Variants in HCN1 observed in about 807,000 individuals in gnomAD.
The protein encoded by HCN1 is hyperpolarization activated cyclic nucleotide gated potassium channel 1, also known as potassium/sodium hyperpolarization-activated cyclic nucleotide-gated channel 1.
Under a neutral mutation model 78.9 loss-of-function variants are expected in HCN1, and 13 were observed. That is an observed-to-expected ratio of 0.16 (90% CI 0.11 to 0.26). The LOEUF is 0.26. HCN1 is among the 10% of genes least tolerant of loss of function. HCN1 has a pLI of 1.00. For synonymous variants in HCN1, 552 were observed against 455.5 expected, an observed-to-expected ratio of 1.21 and a Z score of -2.70; for missense variants, 810 against 1,154.3, an observed-to-expected ratio of 0.70 and a Z score of 4.32.
chr5:45,684,540 T>C (rs555523568), intron 1 of HCN1, among the ~76,000 whole-genome samples: 1 of 152,170 alleles, frequency 6.6e-6, no homozygotes, highest in East Asian at 1.9e-4. Flanking sequence ...ATAGGAAAAA[T>C]AAGGAACAGT....
intron 1 of HCN1, among the ~76,000 whole-genome samples, chr5:45,666,557 T>A (rs1049851372): frequency 6.6e-6 from 1 of 152,056 alleles, no homozygotes; most frequent in African/African-American, 2.4e-5. Flanking sequence ...AGTAATACAT[T>A]CCCTGAATCA....
intron 1 of HCN1, among the ~76,000 whole-genome samples, chr5:45,675,991 T>C (rs948716184): frequency 3.3e-5 from 5 of 151,810 alleles, no homozygotes; most frequent in Non-Finnish European, 5.9e-5. Flanking sequence ...CTGTTGGTCA[T>C]TGATTAGATC....
chr5:45,485,052 C>T (rs533391349), intron 2 of HCN1, among the ~76,000 whole-genome samples: 2 of 152,210 alleles, frequency 1.3e-5, no homozygotes, highest in East Asian at 1.9e-4. Flanking sequence ...ATACATATGC[C>T]CTAATTTCCT....
chr5:45,689,208 T>C (rs1351402749), intron 1 of HCN1, among the ~76,000 whole-genome samples: 1 of 152,070 alleles, frequency 6.6e-6, no homozygotes, highest in Non-Finnish European at 1.5e-5. Context: ...GGTGATGGGA[T>C]GATCTGTGCA....
intron 6 of HCN1, among the ~76,000 whole-genome samples, chr5:45,280,745 G>C (rs1745140746): frequency 6.6e-6 from 1 of 152,164 alleles, no homozygotes; most frequent in African/African-American, 2.4e-5. Flanking sequence ...TTATGTTTTA[G>C]ATATCAAAGC....
chr5:45,691,807 A>G lies in HCN1; in HGVS notation c.425+3862T>C, dbSNP rs1206113586. ...GTGAAGCCTCCCTTCCCTAATGAAC[A>G]CATCAGTGATCTCTGATATCAGTAC... On this transcript the variant is annotated intron_variant, in intron 1 of 7. Coordinates refer to ENST00000303230, the MANE Select transcript of HCN1 (RefSeq NM_021072.4). Among the ~76,000 whole-genome samples the G allele has an allele frequency of 2.0e-5, 3 of 152,168 alleles. No individual in the cohort carries two copies. The East Asian group carries it at 5.8e-4, about 29-fold the overall frequency.
In HCN1 at chr5:45,302,640, T is replaced by C. The variant is rs1314408776; in HGVS notation, c.1618+959A>G. Among the ~76,000 whole-genome samples, 6 of 151,232 alleles carry C rather than the reference T, an allele frequency of 4.0e-5. No homozygotes were observed. The East Asian group carries it at 1.2e-3, about 29-fold the overall frequency. On this transcript the variant is annotated intron_variant, in intron 6 of 7. Coordinates refer to ENST00000303230, the MANE Select transcript of HCN1 (RefSeq NM_021072.4). Reference sequence around the variant, plus strand: ...AACATATATATATATTTTATATATATAATTTTAATAAAAATTGGAGATAAA... The same window carrying C: ...AACATATATATATATTTTATATATACAATTTTAATAAAAATTGGAGATAAA...
At chr5:45,547,191 C>G (rs1446962202) in intron 2 of HCN1, among the ~76,000 whole-genome samples, 1 of 151,768 alleles carries the variant, frequency 6.6e-6, no homozygotes, top group South Asian at 2.1e-4. Context: ...ATGTCTCCAA[C>G]TATATTGACA....
intron 2 of HCN1, among the ~76,000 whole-genome samples, chr5:45,587,206 C>T (rs1403429806): frequency 6.6e-6 from 1 of 152,110 alleles, no homozygotes; most frequent in Non-Finnish European, 1.5e-5. Flanking sequence ...TGGGTATATA[C>T]CCAAAGGATT....
At chr5:45,347,034 G>A in intron 5 of HCN1, among the ~76,000 whole-genome samples, 1 of 152,222 alleles carries the variant, frequency 6.6e-6, no homozygotes, top group East Asian at 1.9e-4. Context: ...GCACGCAGCT[G>A]GAGATCTGAG....
At chr5:45,355,142 G>T (rs183155392) in intron 4 of HCN1, among the ~76,000 whole-genome samples, 1 of 152,060 alleles carries the variant, frequency 6.6e-6, no homozygotes, top group Admixed American at 6.6e-5. Flanking sequence ...AACAATAAGA[G>T]AGTATTTGAC....
intron 5 of HCN1, among the ~76,000 whole-genome samples, chr5:45,335,522 G>A (rs898974456): frequency 6.6e-6 from 1 of 152,002 alleles, no homozygotes; most frequent in Non-Finnish European, 1.5e-5. Flanking sequence ...AAAGAAATGG[G>A]GCATATGATA....
chr5:45,642,533 G>C (rs1441523536), intron 2 of HCN1: 3 of 151,994 alleles, frequency 2.0e-5, no homozygotes, highest in Non-Finnish European at 4.4e-5. Flanking sequence ...GATTCATTTA[G>C]AACAGTGGCA....
At chr5:45,276,669 G>A (rs770078959) in intron 6 of HCN1, among the ~76,000 whole-genome samples, 2 of 152,052 alleles carry the variant, frequency 1.3e-5, no homozygotes, top group African/African-American at 4.8e-5. Context: ...GACTGAAAGA[G>A]TCGAGAATTA....
intron 2 of HCN1, among the ~76,000 whole-genome samples, chr5:45,622,092 G>A (rs1271746762): frequency 6.6e-6 from 1 of 151,926 alleles, no homozygotes; most frequent in Admixed American, 6.6e-5. Context: ...CGTGGTGGCG[G>A]GCGCCTGTAG....
chr5:45,496,874 A>G (rs1024521641), intron 2 of HCN1, among the ~76,000 whole-genome samples: 4 of 152,150 alleles, frequency 2.6e-5, no homozygotes, highest in Non-Finnish European at 1.5e-5. Flanking sequence ...ACTGCTTTGA[A>G]TGTGTCCCAG....
chr5:45,408,720 A>G (rs1031747900), intron 3 of HCN1, among the ~76,000 whole-genome samples: 2 of 152,178 alleles, frequency 1.3e-5, no homozygotes, highest in African/African-American at 2.4e-5. Flanking sequence ...TCATTCTCAA[A>G]TTAGTAGATC....
In HCN1 at chr5:45,273,277, T is replaced by C. The variant is rs74348424; in HGVS notation, c.1619-6024A>G. On this transcript the variant is annotated intron_variant, in intron 6 of 7. Transcript: ENST00000303230. ...TAGACAACTCTGTTTCCAATTTCAG[T>C]GTCAGAAAGAGTGTGGCCTGGGAGA... 9.7e-3 allele frequency among the ~76,000 whole-genome samples: 1,482 copies of C among 152,210 alleles called. 28 individuals are homozygous for C. Among genetic ancestry groups the C allele is most frequent in the African/African-American group, 0.034 (1,415 of 41,538 alleles).
At chr5:45,613,517 G>C (rs866498299) in intron 2 of HCN1, among the ~76,000 whole-genome samples, 1 of 151,956 alleles carries the variant, frequency 6.6e-6, no homozygotes. Context: ...CTGTTGGTGG[G>C]ACTGTAAACT....
Sources: gnomAD v4.1 joint callset for allele counts (sites outside exome capture counted in the v4.1 genomes callset) on GRCh38, gnomAD v4.1.1 for gene constraint, MANE v1.5 for transcripts, NCBI Gene and HGNC (gene_info 2026-07-23, HGNC 2026-07-21) for gene names.